The following PPP2R2B variants were observed in gnomAD, a reference collection of about 807,000 sequenced individuals.
The protein encoded by PPP2R2B is protein phosphatase 2 regulatory subunit Bbeta, also known as serine/threonine-protein phosphatase 2A 55 kDa regulatory subunit B beta isoform.
A neutral mutation model predicts 46.0 loss-of-function variants in PPP2R2B; 5 were observed. That is an observed-to-expected ratio of 0.11 (90% CI 0.06 to 0.23). The LOEUF (loss-of-function observed/expected upper bound fraction) is 0.23. Among genes scored for constraint, PPP2R2B ranks in the 10% least tolerant of loss-of-function variants. The probability of loss-of-function intolerance (pLI) is 1.00; values close to 1 mark genes in which losing one functional copy is unlikely to be tolerated. For missense variants in PPP2R2B, 367 were observed against 575.0 expected (o/e 0.64, Z 3.70); for synonymous variants, 215 against 206.7 (o/e 1.04, Z -0.34).
chr5:147,050,612 G>C (rs1044624939), intron 1 of PPP2R2B, among the ~76,000 whole-genome samples: 1 of 151,630 alleles, frequency 6.6e-6, no homozygotes, highest in Non-Finnish European at 1.5e-5. Flanking sequence ...TCTGTGACTC[G>C]GTTTTCTCAT....
At chr5:146,892,219 T>C (rs1762511273) in intron 1 of PPP2R2B, among the ~76,000 whole-genome samples, 3 of 152,180 alleles carry the variant, frequency 2.0e-5, no homozygotes, top group South Asian at 4.1e-4. Flanking sequence ...AGAGCAAAGG[T>C]CAATTCTGCA....
At chr5:146,940,509 G>GT (rs1206791151) in intron 1 of PPP2R2B, among the ~76,000 whole-genome samples, 1 of 138,346 alleles carries the variant, frequency 7.2e-6, no homozygotes, top group Admixed American at 7.5e-5. Flanking sequence ...CATTTGCTAG[G>GT]GGAAAAAAAA....
chr5:146,620,741 C>G (rs111765994), intron 7 of PPP2R2B, among the ~76,000 whole-genome samples: 1 of 152,164 alleles, frequency 6.6e-6, no homozygotes, highest in Non-Finnish European at 1.5e-5. Context: ...GTCTCTCCCC[C>G]TGAGATAGCA....
intron 1 of PPP2R2B, among the ~76,000 whole-genome samples, chr5:146,952,767 TAGCTAAGGTCAGTGGAAAGTGTG>T (rs1751674044): frequency 6.6e-6 from 1 of 152,132 alleles, no homozygotes; most frequent in African/African-American, 2.4e-5. Context: ...TGATAGATTA[TAGCTAAGGTCAGTGGAAAGTGTG>T]AGCGAGTGAG....
chr5:146,881,973 G>A (rs1762182178), upstream of PPP2R2B, among the ~76,000 whole-genome samples: 4 of 151,968 alleles, frequency 2.6e-5, no homozygotes, highest in South Asian at 8.3e-4. Context: ...AATTTACCAA[G>A]CAATTATGTA....
chr5:147,034,025 T>G (rs757507651), intron 1 of PPP2R2B, among the ~76,000 whole-genome samples: 1 of 152,042 alleles, frequency 6.6e-6, no homozygotes, highest in Non-Finnish European at 1.5e-5. Flanking sequence ...CTATGGTGTT[T>G]AAGGCCATAT....
chr5:146,654,211 G>A lies in PPP2R2B; in HGVS notation c.448-3487C>T, dbSNP rs528714171. 2.0e-5 allele frequency among the ~76,000 whole-genome samples: 3 copies of A among 152,228 alleles called. No individual in the cohort carries two copies. The East Asian group carries it at 5.8e-4, about 29-fold the overall frequency. On this transcript the variant is annotated intron_variant, in intron 5 of 9. Transcript: ENST00000394411. ...ACTCCAAGGTGTTATCTCCTCCAGC[G>A]CCCTCAGTAACCAACCTTCCAAGGA...
At chr5:146,839,057 C>T (rs171618) in intron 2 of PPP2R2B, among the ~76,000 whole-genome samples, 21,979 of 152,188 alleles carry the variant, frequency 0.14, 1,673 homozygotes, top group African/African-American at 0.2. Context: ...ACCTTCCCTT[C>T]TTATAACTTC....
chr5:147,043,441 C>T (rs369613708), intron 1 of PPP2R2B, among the ~76,000 whole-genome samples: 28 of 152,126 alleles, frequency 1.8e-4, no homozygotes, highest in African/African-American at 5.8e-4. Flanking sequence ...AGAAGACGGT[C>T]GTCAGCAAGC....
chr5:146,738,193 G>A (rs1270704571), intron 2 of PPP2R2B, among the ~76,000 whole-genome samples: 1 of 151,702 alleles, frequency 6.6e-6, no homozygotes, highest in Non-Finnish European at 1.5e-5. Context: ...TCAGGAGATC[G>A]AGACCATCGT....
intron 7 of PPP2R2B, among the ~76,000 whole-genome samples, chr5:146,603,335 T>C (rs1278536214): frequency 6.6e-6 from 1 of 152,170 alleles, no homozygotes; most frequent in Admixed American, 6.5e-5. Context: ...ATCTATTTTA[T>C]AATGTTTAAA....
chr5:146,710,524 C>A (rs1409172806), intron 2 of PPP2R2B, among the ~76,000 whole-genome samples: 4 of 152,184 alleles, frequency 2.6e-5, no homozygotes, highest in Admixed American at 2.6e-4. Flanking sequence ...GCAAAGGAGT[C>A]TTAAAAATTA....
At chr5:146,766,747 G>A (rs567713808) in intron 2 of PPP2R2B, among the ~76,000 whole-genome samples, 17 of 152,088 alleles carry the variant, frequency 1.1e-4, no homozygotes, top group East Asian at 3.9e-4. Context: ...TGGGCCCTAC[G>A]GCACCATAAA....
intron 1 of PPP2R2B, chr5:146,918,410 A>T (rs1763470523): frequency 6.6e-6 from 1 of 152,206 alleles, no homozygotes; most frequent in African/African-American, 2.4e-5. Flanking sequence ...GAAGTTGATG[A>T]TAATGGCAGC....
At chr5:146,982,476 C>T (rs1753222123) in intron 1 of PPP2R2B, among the ~76,000 whole-genome samples, 1 of 152,104 alleles carries the variant, frequency 6.6e-6, no homozygotes, top group East Asian at 1.9e-4. Context: ...TGGTCTAGGT[C>T]CCACAGGCAC....
intron 2 of PPP2R2B, among the ~76,000 whole-genome samples, chr5:146,791,003 A>G (rs1756164901): frequency 1.3e-5 from 2 of 152,196 alleles, no homozygotes. Flanking sequence ...CTTTTTCTCC[A>G]TTCAAAACAC....
chr5:147,041,691 A>G (rs1756311346), intron 1 of PPP2R2B, among the ~76,000 whole-genome samples: 1 of 152,056 alleles, frequency 6.6e-6, no homozygotes. Context: ...ACTGATTCAG[A>G]GCTTTAGGGG....
upstream of PPP2R2B, among the ~76,000 whole-genome samples, chr5:146,881,666 C>A (rs906782436): frequency 1.3e-5 from 2 of 152,160 alleles, no homozygotes; most frequent in South Asian, 2.1e-4. Flanking sequence ...CCTGACTGGG[C>A]CTTCCAAAGT....
chr5:146,632,236 T>C (rs938346240), intron 7 of PPP2R2B, among the ~76,000 whole-genome samples: 7 of 152,262 alleles, frequency 4.6e-5, no homozygotes, highest in Admixed American at 1.3e-4. Context: ...CAGACACTGA[T>C]GGAAGGCAGT....
Sources: gnomAD v4.1 joint callset for allele counts (sites outside exome capture counted in the v4.1 genomes callset) on GRCh38, gnomAD v4.1.1 for gene constraint, MANE v1.5 for transcripts, NCBI Gene and HGNC (gene_info 2026-07-23, HGNC 2026-07-21) for gene names.